The following FRMD4A variants were observed in gnomAD, a reference collection of about 807,000 sequenced individuals.
The protein encoded by FRMD4A is FERM domain containing 4A, also known as FERM domain-containing protein 4A.
FRMD4A carries 29 observed loss-of-function variants against 129.1 expected under a neutral mutation model. The observed-to-expected ratio is 0.22, with a 90% CI of 0.17 to 0.31. The LOEUF (loss-of-function observed/expected upper bound fraction) is 0.31, where lower values mean the gene tolerates loss of function less well. Ranked by LOEUF, FRMD4A falls within the 10% of genes least tolerant of loss-of-function variation. The pLI, the probability that FRMD4A is intolerant of heterozygous loss-of-function variation, is 1.00. For missense variants in FRMD4A, 1,272 were observed against 1,375.8 expected (o/e 0.92, Z 1.19); for synonymous variants, 634 against 571.6 (o/e 1.11, Z -1.56).
At chr10:13,830,926 A>G in intron 3 of FRMD4A, among the ~76,000 whole-genome samples, 1 of 152,168 alleles carries the variant, frequency 6.6e-6, no homozygotes, top group South Asian at 2.1e-4. Context: ...AGTAGCTGGG[A>G]TTACAGGCAC....
intron 2 of FRMD4A, among the ~76,000 whole-genome samples, chr10:13,905,719 C>CT (rs1334906702): frequency 6.6e-6 from 1 of 152,166 alleles, no homozygotes; most frequent in African/African-American, 2.4e-5. Flanking sequence ...CTCAGAAACA[C>CT]TAAGTAACTT....
intron 2 of FRMD4A, among the ~76,000 whole-genome samples, chr10:14,112,496 C>A (rs1006858905): frequency 6.6e-6 from 1 of 152,214 alleles, no homozygotes; most frequent in African/African-American, 2.4e-5. Flanking sequence ...CATCTTCACA[C>A]TGGGCTTTGC....
intron 2 of FRMD4A, among the ~76,000 whole-genome samples, chr10:14,027,681 T>G (rs746617218): frequency 2.8e-4 from 42 of 152,192 alleles, no homozygotes; most frequent in Admixed American, 5.9e-4. Flanking sequence ...TCTCTTAGAA[T>G]GTAAATAGCA....
intron 2 of FRMD4A, among the ~76,000 whole-genome samples, chr10:14,315,050 C>T (rs1000561702): frequency 6.6e-5 from 10 of 151,958 alleles, no homozygotes; most frequent in African/African-American, 2.4e-4. Context: ...CTTTATACGA[C>T]AAATTATATT....
At chr10:13,858,808 C>G (rs746353133) in intron 3 of FRMD4A, 39 bp downstream of exon 3, 3 of 1,198,600 alleles carry the variant, frequency 2.5e-6, no homozygotes, top group Non-Finnish European at 3.7e-6. Flanking sequence ...CCACATCAGT[C>G]ACCAAAGAAA....
At chr10:14,122,584 T>C (rs1158673226) in intron 2 of FRMD4A, among the ~76,000 whole-genome samples, 10 of 130,250 alleles carry the variant, frequency 7.7e-5, no homozygotes. Context: ...ATCACACGGG[T>C]AGAGAAGGAG....
intron 2 of FRMD4A, among the ~76,000 whole-genome samples, chr10:14,093,223 T>C (rs1473800511): frequency 6.6e-6 from 1 of 152,148 alleles, no homozygotes; most frequent in Non-Finnish European, 1.5e-5. Flanking sequence ...TTATGATTGT[T>C]TTCTTCCCCT....
chr10:13,794,031 C>G (rs1053427532), intron 5 of FRMD4A, among the ~76,000 whole-genome samples: 1 of 152,074 alleles, frequency 6.6e-6, no homozygotes, highest in Non-Finnish European at 1.5e-5. Flanking sequence ...TTGGAGGCTG[C>G]TTCAATAGGT....
At chr10:13,743,727 A>C (rs965881825) in intron 9 of FRMD4A, among the ~76,000 whole-genome samples, 2 of 152,028 alleles carry the variant, frequency 1.3e-5, no homozygotes, top group Non-Finnish European at 2.9e-5. Context: ...TGCCTTCTCC[A>C]TCCTCAGCTT....
chr10:13,966,802 T>C (rs992970402), intron 2 of FRMD4A, among the ~76,000 whole-genome samples: 7 of 152,210 alleles, frequency 4.6e-5, no homozygotes, highest in African/African-American at 1.7e-4. Flanking sequence ...CAATTTGCAA[T>C]TGCAAAAATG....
At chr10:13,755,261 C>T (rs371499390) in intron 8 of FRMD4A, among the ~76,000 whole-genome samples, 4 of 152,116 alleles carry the variant, frequency 2.6e-5, no homozygotes, top group African/African-American at 9.7e-5. Context: ...CACCCTCTGG[C>T]CTGGCAAAAA....
intron 2 of FRMD4A, among the ~76,000 whole-genome samples, chr10:14,139,791 C>A (rs552369727): frequency 6.6e-6 from 1 of 152,106 alleles, no homozygotes; most frequent in African/African-American, 2.4e-5. Flanking sequence ...CTTGGGCTTC[C>A]GGGACAGCAG....
chr10:14,168,291 T>C (rs143747381), intron 2 of FRMD4A, among the ~76,000 whole-genome samples: 13 of 152,282 alleles, frequency 8.5e-5, no homozygotes, highest in African/African-American at 2.2e-4. Context: ...AAAGATCACA[T>C]GAGATCATCT....
At chr10:13,693,422 T>A in intron 15 of FRMD4A, 1 of 729,936 alleles carries the variant, frequency 1.4e-6, no homozygotes, top group South Asian at 2.4e-5. Context: ...AATGGAGAAA[T>A]CATGCCCTGC....
intron 5 of FRMD4A, among the ~76,000 whole-genome samples, chr10:13,785,992 G>T (rs936187844): frequency 3.9e-5 from 6 of 152,180 alleles, no homozygotes; most frequent in Non-Finnish European, 7.3e-5. Context: ...TGGTGTATAT[G>T]TGCCACATTT....
intron 2 of FRMD4A, among the ~76,000 whole-genome samples, chr10:13,971,060 C>T (rs1416108657): frequency 6.6e-6 from 1 of 152,190 alleles, no homozygotes; most frequent in East Asian, 1.9e-4. Context: ...CTTGTCACCA[C>T]CCCCAACACA....
chr10:14,307,294 C>T (rs540867427), intron 2 of FRMD4A, among the ~76,000 whole-genome samples: 7 of 152,270 alleles, frequency 4.6e-5, no homozygotes, highest in African/African-American at 1.7e-4. Flanking sequence ...CAGGGCCTTG[C>T]GCAAAGCCCT....
At chr10:14,298,936 T>G (rs1299225029) in intron 2 of FRMD4A, among the ~76,000 whole-genome samples, 1 of 152,146 alleles carries the variant, frequency 6.6e-6, no homozygotes, top group Non-Finnish European at 1.5e-5. Flanking sequence ...GAAATGGTGT[T>G]TTGAGATCAA....
At chr10:14,185,668 A>G (rs996120675) in intron 2 of FRMD4A, among the ~76,000 whole-genome samples, 10 of 152,084 alleles carry the variant, frequency 6.6e-5, no homozygotes, top group African/African-American at 1.9e-4. Context: ...AGCTGTGCAG[A>G]TGAGCAGAAG....
Sources: gnomAD v4.1 joint callset for allele counts (sites outside exome capture counted in the v4.1 genomes callset) on GRCh38, gnomAD v4.1.1 for gene constraint, MANE v1.5 for transcripts, NCBI Gene and HGNC (gene_info 2026-07-23, HGNC 2026-07-21) for gene names.